Variants in EBF1 observed in about 807,000 individuals in gnomAD.
The protein encoded by EBF1 is transcription factor COE1.
Under a neutral mutation model 68.4 loss-of-function variants are expected in EBF1, and 10 were observed. That is an observed-to-expected ratio of 0.15 (90% confidence interval 0.09 to 0.25). EBF1 has a LOEUF of 0.25. Ranked by LOEUF, EBF1 falls within the 10% of genes least tolerant of loss-of-function variation. The pLI, the probability that EBF1 is intolerant of heterozygous loss-of-function variation, is 1.00. For missense variants in EBF1, 509 were observed against 794.4 expected (o/e 0.64, Z 4.32); for synonymous variants, 298 against 299.8 (o/e 0.99, Z 0.06).
intron 6 of EBF1, among the ~76,000 whole-genome samples, chr5:158,936,026 A>T (rs1425278241): frequency 6.6e-6 from 1 of 152,218 alleles, no homozygotes; most frequent in Non-Finnish European, 1.5e-5. Context: ...ATATTTTTTA[A>T]AAAAGGAGAG....
At chr5:159,037,487 T>C (rs1463339929) in intron 6 of EBF1, among the ~76,000 whole-genome samples, 6 of 91,222 alleles carry the variant, frequency 6.6e-5, no homozygotes, top group Non-Finnish European at 8.9e-5. Flanking sequence ...TAAAAAATGA[T>C]GAGTTCATGT....
At chr5:158,729,990 G>A (rs575180517) in intron 11 of EBF1, among the ~76,000 whole-genome samples, 4 of 152,306 alleles carry the variant, frequency 2.6e-5, no homozygotes, top group African/African-American at 4.8e-5. Flanking sequence ...AGGATTTGAT[G>A]ACGAACTGAT....
At chr5:159,025,028 C>T (rs1399202089) in intron 6 of EBF1, among the ~76,000 whole-genome samples, 3 of 152,178 alleles carry the variant, frequency 2.0e-5, no homozygotes, top group Non-Finnish European at 4.4e-5. Context: ...CAAGGCTTTC[C>T]GTTACTTACA....
At chr5:158,912,403 C>A (rs1806190770) in intron 6 of EBF1, among the ~76,000 whole-genome samples, 1 of 152,182 alleles carries the variant, frequency 6.6e-6, no homozygotes, top group African/African-American at 2.4e-5. Context: ...ACTTCTTGTG[C>A]AAGCCTCTTA....
intron 6 of EBF1, among the ~76,000 whole-genome samples, chr5:158,954,191 G>A (rs536958535): frequency 1.3e-5 from 2 of 151,606 alleles, no homozygotes; most frequent in South Asian, 2.1e-4. Context: ...ATCTATGCCC[G>A]TGCGGCTGAT....
At chr5:158,900,488 G>A (rs577644909) in intron 6 of EBF1, among the ~76,000 whole-genome samples, 2 of 152,200 alleles carry the variant, frequency 1.3e-5, no homozygotes, top group Non-Finnish European at 2.9e-5. Context: ...ATTTGGTAAC[G>A]ACATGGGCAT....
At chr5:158,794,355 T>G (rs1453044624) in intron 9 of EBF1, among the ~76,000 whole-genome samples, 1 of 152,172 alleles carries the variant, frequency 6.6e-6, no homozygotes, top group Non-Finnish European at 1.5e-5. Flanking sequence ...ACAGATCCTT[T>G]AAAGCAATTT....
rs553229367 is a variant in EBF1, at chr5:159,045,220, T to G, written c.554+28176A>C. Among the ~76,000 whole-genome samples, 13 of 152,276 alleles carry G rather than the reference T, an allele frequency of 8.5e-5. No homozygotes were observed. The South Asian group carries it at 1.4e-3, about 17-fold the overall frequency. On this transcript the variant is annotated intron_variant, in intron 6 of 15. Transcript: ENST00000313708. ...TTGTAATTTCTTCTTTTTTTAATGTTTTTTAAATTTTCATGTGGAGAAGAA... is the reference window on the plus strand; with the variant it reads ...TTGTAATTTCTTCTTTTTTTAATGTGTTTTAAATTTTCATGTGGAGAAGAA...
intron 6 of EBF1, among the ~76,000 whole-genome samples, chr5:158,861,451 A>T (rs766273054): frequency 6.6e-6 from 1 of 152,200 alleles, no homozygotes; most frequent in Non-Finnish European, 1.5e-5. Flanking sequence ...ATAAATGTCC[A>T]CAAAGAACAA....
At chr5:158,926,933 C>T (rs369528523) in intron 6 of EBF1, among the ~76,000 whole-genome samples, 7 of 152,142 alleles carry the variant, frequency 4.6e-5, no homozygotes, top group Middle Eastern at 3.4e-3. Context: ...TACAAAGCAA[C>T]GAGCCAGTGG....
At chr5:158,740,308 T>C (rs976795554) in intron 10 of EBF1, among the ~76,000 whole-genome samples, 2 of 152,232 alleles carry the variant, frequency 1.3e-5, no homozygotes, top group African/African-American at 4.8e-5. Context: ...CGCGGAGTTC[T>C]GGGCTGAAGT....
chr5:158,998,506 A>C (rs1265676158), intron 6 of EBF1, among the ~76,000 whole-genome samples: 1 of 152,208 alleles, frequency 6.6e-6, no homozygotes, highest in African/African-American at 2.4e-5. Flanking sequence ...AGAATCTGGA[A>C]TAGACAGGTA....
chr5:158,731,930 TTTAAAGCATCC>T (rs774592204), intron 10 of EBF1, among the ~76,000 whole-genome samples: 40 of 152,218 alleles, frequency 2.6e-4, no homozygotes, highest in Non-Finnish European at 5.0e-4. Context: ...CTACACACTC[TTTAAAGCATCC>T]TTAAATTAAA....
chr5:158,926,715 G>A (rs533093488), intron 6 of EBF1, among the ~76,000 whole-genome samples: 3 of 135,956 alleles, frequency 2.2e-5, no homozygotes, highest in East Asian at 4.2e-4. Context: ...CAAAGACAGA[G>A]AGACTACATT....
intron 6 of EBF1, among the ~76,000 whole-genome samples, chr5:158,951,767 C>T (rs962563763): frequency 2.6e-5 from 4 of 152,306 alleles, no homozygotes; most frequent in Non-Finnish European, 4.4e-5. Flanking sequence ...CTCTTCTCTG[C>T]TTATCCACTA....
rs115341441 is a variant in EBF1, at chr5:158,718,353, C to G, written c.1126-4171G>C. 3.5e-3 allele frequency among the ~76,000 whole-genome samples: 536 copies of G among 152,262 alleles called. 1 individual carries two copies. The highest frequency in any genetic ancestry group is 0.012 in the African/African-American group (507 of 41,556). On this transcript the variant is annotated intron_variant, in intron 11 of 15. Coordinates refer to ENST00000313708, the MANE Select transcript of EBF1 (RefSeq NM_024007.5). Reference sequence around the variant, plus strand: ...GCTCTCTATGCTTGTCCTCCCCAGCCTAGAAGTAAAACATTTGGCTCCTTT... The same window carrying G: ...GCTCTCTATGCTTGTCCTCCCCAGCGTAGAAGTAAAACATTTGGCTCCTTT...
chr5:159,047,375 C>T (rs1772632355), intron 6 of EBF1, among the ~76,000 whole-genome samples: 1 of 152,152 alleles, frequency 6.6e-6, no homozygotes, highest in Non-Finnish European at 1.5e-5. Context: ...CAAAAGCTTA[C>T]TTTGGCTCCT....
chr5:158,998,631 T>G (rs1761928704), intron 6 of EBF1, among the ~76,000 whole-genome samples: 2 of 152,214 alleles, frequency 1.3e-5, no homozygotes, highest in Non-Finnish European at 2.9e-5. Context: ...CCGCCCTTAT[T>G]GTCATTTACT....
chr5:158,992,425 C>T (rs1380560150), intron 6 of EBF1, among the ~76,000 whole-genome samples: 1 of 151,952 alleles, frequency 6.6e-6, no homozygotes, highest in Non-Finnish European at 1.5e-5. Context: ...TTTCTCTTCC[C>T]TTCTTATAAA....
Sources: allele counts gnomAD v4.1 joint callset (sites outside exome capture counted in the v4.1 genomes callset), GRCh38; gene constraint gnomAD v4.1.1; transcripts MANE v1.5; gene names NCBI Gene and HGNC (gene_info 2026-07-23, HGNC 2026-07-21).